Variants in UBQLN1 observed in about 807,000 individuals in gnomAD.
UBQLN1 encodes the protein ubiquilin 1, also known as ubiquilin-1.
Under a neutral mutation model 65.4 loss-of-function variants are expected in UBQLN1, and 13 were observed. The ratio of observed to expected loss-of-function variants is 0.20; its 90% CI spans 0.13 to 0.32. UBQLN1 has a LOEUF of 0.32. Ranked by LOEUF, UBQLN1 falls within the 10% of genes least tolerant of loss-of-function variation. The probability of loss-of-function intolerance (pLI) is 1.00; values close to 1 mark genes in which losing one functional copy is unlikely to be tolerated. For missense variants in UBQLN1, 561 were observed against 724.0 expected (o/e 0.77, Z 2.58); for synonymous variants, 267 against 247.8 (o/e 1.08, Z -0.73).
chr9:83,674,328 T>C (rs4877794), intron 6 of UBQLN1, among the ~76,000 whole-genome samples: 39,902 of 152,026 alleles, frequency 0.26, 6,500 homozygotes, highest in East Asian at 0.8. Flanking sequence ...TCTTATGCAA[T>C]GACACTAAAA....
At chr9:83,677,522 A>G (rs1432838047) in intron 6 of UBQLN1, among the ~76,000 whole-genome samples, 2 of 152,210 alleles carry the variant, frequency 1.3e-5, no homozygotes, top group Non-Finnish European at 2.9e-5. Context: ...AGATCGTGCC[A>G]TTGTACTCCA....
At chr9:83,677,092 G>GCTCTGATGCAGCCAGTATAGCCCTGAC (rs1831846326) in intron 6 of UBQLN1, among the ~76,000 whole-genome samples, 1 of 152,192 alleles carries the variant, frequency 6.6e-6, no homozygotes, top group Non-Finnish European at 1.5e-5. Context: ...CCTGGCAGGT[G>GCTCTGATGCAGCCAGTATAGCCCTGAC]CTCTGATGCA....
chr9:83,707,589 AGGCAGCGGCCGCGGG>A lies in UBQLN1; in HGVS notation c.76_90del (p.Pro26_Ala30del), dbSNP rs902893817. The A allele has an allele frequency of 1.2e-6, 2 of 1,605,770 alleles. No homozygotes were observed. Among genetic ancestry groups the A allele is most frequent in the Non-Finnish European group, 1.7e-6 (2 of 1,176,808 alleles). On this transcript the variant is annotated inframe_deletion, in exon 1 of 11. Transcript: ENST00000376395. ...ACTTTCATGATTTTGGGCTCCGCGGAGGCAGCGGCCGCGGGGGCGCCAGCACCTTCGGCTCCGGCG... is the reference window on the plus strand; with the variant it reads ...ACTTTCATGATTTTGGGCTCCGCGGAGGCGCCAGCACCTTCGGCTCCGGCG...
At chr9:83,689,076 C>G (rs990913514) in intron 1 of UBQLN1, among the ~76,000 whole-genome samples, 5 of 152,182 alleles carry the variant, frequency 3.3e-5, no homozygotes, top group African/African-American at 9.7e-5. Flanking sequence ...CTACAGCTAT[C>G]ACCCACCTAT....
Position 83,707,600 on chromosome 9 carries a change from G to C in UBQLN1, c.80C>G (p.Ala27Gly). Reference protein sequence around the residue: ...AAGAEGAGAPAAAASAEPKIM... With the variant: ...AAGAEGAGAPGAAASAEPKIM... ...TTTGGGCTCCGCGGAGGCAGCGGCCGCGGGGGCGCCAGCACCTTCGGCTCC... is the reference window on the plus strand; with the variant it reads ...TTTGGGCTCCGCGGAGGCAGCGGCCCCGGGGGCGCCAGCACCTTCGGCTCC... The change falls in exon 1 of 11, where the codon GCG (alanine) becomes GGG (glycine). Residue 27 changes from alanine (A) to glycine (G), a missense_variant. Coordinates refer to ENST00000376395, the MANE Select transcript of UBQLN1 (RefSeq NM_013438.5). 1.3e-6 allele frequency: 2 copies of C among 1,599,804 alleles called. No individual in the cohort carries two copies. Among genetic ancestry groups the C allele is most frequent in the Non-Finnish European group, 1.7e-6 (2 of 1,173,944 alleles).
chr9:83,678,382 C>T (rs1034300417), intron 5 of UBQLN1, 59 bp downstream of exon 5: 3 of 1,545,762 alleles, frequency 1.9e-6, no homozygotes, highest in Admixed American at 2.1e-5. Context: ...CAATCATACA[C>T]ATATTTGTGT....
At chr9:83,676,217 A>G (rs1474061668) in intron 6 of UBQLN1, among the ~76,000 whole-genome samples, 2 of 149,794 alleles carry the variant, frequency 1.3e-5, no homozygotes, top group African/African-American at 4.8e-5. Context: ...TATGCTGACA[A>G]TCTGATAGGC....
At chr9:83,674,119 T>C (rs917720242) in intron 6 of UBQLN1, among the ~76,000 whole-genome samples, 1 of 152,054 alleles carries the variant, frequency 6.6e-6, no homozygotes, top group African/African-American at 2.4e-5. Context: ...CGTACTGTTG[T>C]TCAGTATACT....
intron 1 of UBQLN1, among the ~76,000 whole-genome samples, chr9:83,690,844 A>G (rs191264836): frequency 6.6e-6 from 1 of 152,282 alleles, no homozygotes; most frequent in East Asian, 1.9e-4. Flanking sequence ...AAGCTAAAAT[A>G]TGCCTCAATG....
intron 1 of UBQLN1, among the ~76,000 whole-genome samples, chr9:83,699,764 G>A (rs539819748): frequency 2.0e-5 from 3 of 152,286 alleles, no homozygotes; most frequent in African/African-American, 4.8e-5. Flanking sequence ...TCTGTTACGG[G>A]CTAGACAGTA....
rs1831642117 is a variant in UBQLN1, at chr9:83,666,289, TATC to T, written c.1332+58_1332+60del. 4 of 1,528,802 alleles carry T rather than the reference TATC, an allele frequency of 2.6e-6. No homozygotes were observed. In the African/African-American group the frequency reaches 5.5e-5, roughly 21 times the overall value. The allele number at this position is 1,528,802 out of a possible 1,614,324, so 94.7% of individuals were successfully genotyped here. Reference sequence around the variant, plus strand: ...CCAGAGAAGAGCAAGGAAAAATGTTTATCATCAAATTTTTTCAAGCAAATCATT... The same window carrying T: ...CCAGAGAAGAGCAAGGAAAAATGTTTATCAAATTTTTTCAAGCAAATCATT... On this transcript the variant is annotated intron_variant, in intron 8 of 10. Transcript: ENST00000376395.
At chr9:83,667,731 T>A in intron 7 of UBQLN1, 1 of 978,742 alleles carries the variant, frequency 1.0e-6, no homozygotes. Context: ...TCTTATTAGA[T>A]ACTTCTTATA....
In UBQLN1 at chr9:83,688,845, G is replaced by C. The variant is rs183127527; in HGVS notation, c.181-2690C>G. ...CATTGCACTCCAGCCTGGGCGATGA[G>C]AGCGAAACTCCGTTTCAAAAAAAAA... On this transcript the variant is annotated intron_variant, in intron 1 of 10. Transcript: ENST00000376395. Among the ~76,000 whole-genome samples the C allele has an allele frequency of 5.4e-5, 8 of 146,928 alleles. No individual in the cohort carries two copies. The East Asian group carries it at 1.8e-3, about 34-fold the overall frequency.
chr9:83,685,774 A>T (rs986761218), intron 2 of UBQLN1, among the ~76,000 whole-genome samples: 1 of 152,248 alleles, frequency 6.6e-6, no homozygotes, highest in African/African-American at 2.4e-5. Flanking sequence ...TTTAGGTATA[A>T]TAACTAAATA....
At chr9:83,685,920 G>T in intron 2 of UBQLN1, 84 bp downstream of exon 2, 1 of 1,222,764 alleles carries the variant, frequency 8.2e-7, no homozygotes. Context: ...GACAGGGAAA[G>T]TAATTTACAG....
At position 83,686,107 on chromosome 9, in the gene UBQLN1, C is replaced by T. The variant is rs547497981; in HGVS notation, c.229G>A (p.Val77Met). The T allele has an allele frequency of 1.3e-6, 2 of 1,593,254 alleles. No individual in the cohort carries two copies. Among genetic ancestry groups the T allele is most frequent in the East Asian group, 2.3e-5 (1 of 44,404 alleles). ...AAAATTTTTCCAGCAAATATCAACA[C>T]AAGTTGGTCAGTATGTGATTTAAAA... ...KRFKSHTDQL[V>M]LIFAGKILKD... is the part of the protein sequence containing the mutation. Residue 77 changes from valine to methionine, a missense_variant, in exon 2 of 11, where the codon GTG becomes ATG. By Grantham distance (21) the Val-to-Met change is conservative. This residue lies in a region of UBQLN1 where 101 missense variants were observed against 104.9 expected (regional missense o/e 0.96). Transcript: ENST00000376395.
intron 10 of UBQLN1, among the ~76,000 whole-genome samples, chr9:83,663,665 TA>T (rs1287823183): frequency 6.6e-6 from 1 of 152,224 alleles, no homozygotes; most frequent in East Asian, 1.9e-4. Flanking sequence ...TCTACAACCG[TA>T]ACAACGTTTC....
chr9:83,691,228 G>A (rs1328903713), intron 1 of UBQLN1, among the ~76,000 whole-genome samples: 1 of 151,854 alleles, frequency 6.6e-6, no homozygotes, highest in Non-Finnish European at 1.5e-5. Context: ...ATCTTGGGCA[G>A]GTCAACTGAA....
chr9:83,682,836 T>TA (rs397953898), intron 3 of UBQLN1, 115 bp downstream of exon 3: 77 of 511,850 alleles, frequency 1.5e-4, no homozygotes, highest in Non-Finnish European at 2.4e-4. Flanking sequence ...TTTTTTTTTT[T>TA]AATTTTTGTT....
Sources: gnomAD v4.1 joint callset for allele counts (sites outside exome capture counted in the v4.1 genomes callset) on GRCh38, gnomAD v4.1.1 for gene constraint, gnomAD v4.1.1 regional missense constraint, MANE v1.5 for transcripts, NCBI Gene and HGNC (gene_info 2026-07-23, HGNC 2026-07-21) for gene names.